TAF3: variants seen among roughly 807,000 people sequenced by gnomAD.
The protein encoded by TAF3 is TATA-box binding protein associated factor 3.
A neutral mutation model predicts 80.6 loss-of-function variants in TAF3; 7 were observed. That is an observed-to-expected ratio of 0.09 (90% confidence interval 0.05 to 0.16). The LOEUF is 0.16. Among genes scored for constraint, TAF3 ranks in the 10% least tolerant of loss-of-function variants. TAF3 has a pLI of 1.00. For missense variants in TAF3, 921 were observed against 1,140.2 expected (o/e 0.81, Z 2.77); for synonymous variants, 444 against 446.1 (o/e 1.00, Z 0.06).
chr10:7,989,211 G>A (rs985939289), intron 4 of TAF3, among the ~76,000 whole-genome samples: 2 of 151,898 alleles, frequency 1.3e-5, no homozygotes, highest in Admixed American at 6.6e-5. Context: ...GTGGAGACAC[G>A]GTGGCTCTGA....
rs116443040 is a variant in TAF3 at position 7,911,602 on chromosome 10, G to A, written c.410-52318G>A. On this transcript the variant is annotated intron_variant, in intron 2 of 6. Coordinates refer to ENST00000344293, the MANE Select transcript of TAF3 (RefSeq NM_031923.4). ...TTTCAGTGGCTGGCAGCAGCAGGAC[G>A]TTTACCAGAGGTTGCAAAGGAGGTG... 1.3e-3 allele frequency among the ~76,000 whole-genome samples: 192 copies of A among 152,336 alleles called. 1 individual carries two copies. Among genetic ancestry groups the A allele is most frequent in the African/African-American group, 4.4e-3 (181 of 41,572 alleles).
chr10:7,839,056 G>A (rs1440973505), intron 2 of TAF3, among the ~76,000 whole-genome samples: 3 of 151,972 alleles, frequency 2.0e-5, no homozygotes, highest in Non-Finnish European at 2.9e-5. Flanking sequence ...TAAACCTACA[G>A]GGCCCTGTGT....
chr10:7,824,267 T>C (rs1270553429), intron 1 of TAF3, 51 bp from the exon 2 acceptor site: 4 of 1,565,088 alleles, frequency 2.6e-6, no homozygotes, highest in Non-Finnish European at 3.5e-6. Flanking sequence ...TTTAAAAATA[T>C]ATTCGTGGGA....
At chr10:7,884,679 C>T (rs547023907) in intron 2 of TAF3, among the ~76,000 whole-genome samples, 6 of 152,232 alleles carry the variant, frequency 3.9e-5, no homozygotes, top group East Asian at 1.9e-4. Context: ...TGCGCCGCTG[C>T]GCCTGGCCTG....
intron 2 of TAF3, among the ~76,000 whole-genome samples, chr10:7,920,299 CGTGTGTGTGTGTGTGTGTGT>C (rs60287426): frequency 9.9e-6 from 1 of 101,280 alleles, no homozygotes; most frequent in Admixed American, 1.3e-4. Context: ...TTTAAACATA[CGTGTGTGTGTGTGTGTGTGT>C]GTGTGTGTGT....
At chr10:8,003,097 C>T (rs1831959123) in intron 4 of TAF3, among the ~76,000 whole-genome samples, 1 of 152,188 alleles carries the variant, frequency 6.6e-6, no homozygotes, top group Non-Finnish European at 1.5e-5. Flanking sequence ...GTTTATACAG[C>T]CTGACAACTG....
chr10:7,833,949 G>A, intron 2 of TAF3: 1 of 354,910 alleles, frequency 2.8e-6, no homozygotes, highest in Non-Finnish European at 4.9e-6. Flanking sequence ...CATTCCCGCT[G>A]GGCACCATGG....
intron 2 of TAF3, among the ~76,000 whole-genome samples, chr10:7,898,306 G>A (rs1207917018): frequency 1.3e-5 from 2 of 152,060 alleles, no homozygotes; most frequent in East Asian, 3.9e-4. Context: ...CAGCACTTTG[G>A]GAGGCCAAGG....
At chr10:7,889,419 A>G (rs999785477) in intron 2 of TAF3, among the ~76,000 whole-genome samples, 1 of 152,254 alleles carries the variant, frequency 6.6e-6, no homozygotes, top group African/African-American at 2.4e-5. Context: ...TAAGGCAAAT[A>G]CTATTCACAT....
intron 5 of TAF3, among the ~76,000 whole-genome samples, chr10:8,010,547 G>C (rs1020994362): frequency 2.0e-5 from 3 of 152,182 alleles, no homozygotes; most frequent in African/African-American, 7.2e-5. Flanking sequence ...ATATGCCAGG[G>C]CTTGCATATT....
intron 2 of TAF3, among the ~76,000 whole-genome samples, chr10:7,900,113 A>T (rs1837544602): frequency 6.6e-6 from 1 of 152,234 alleles, no homozygotes; most frequent in African/African-American, 2.4e-5. Context: ...ACCGAATGGT[A>T]TAAAATCCAC....
chr10:7,928,979 C>T (rs999167166), intron 2 of TAF3, among the ~76,000 whole-genome samples: 3 of 152,120 alleles, frequency 2.0e-5, no homozygotes, highest in Admixed American at 6.6e-5. Flanking sequence ...ACTGTTAGAA[C>T]TGGAGTCTTG....
At chr10:7,950,164 TCAAA>T (rs1331033877) in intron 2 of TAF3, among the ~76,000 whole-genome samples, 2 of 152,142 alleles carry the variant, frequency 1.3e-5, no homozygotes, top group Non-Finnish European at 2.9e-5. Context: ...GCATGAACAG[TCAAA>T]CAGTTATAAA....
intron 2 of TAF3, among the ~76,000 whole-genome samples, chr10:7,897,030 C>T (rs1192670131): frequency 6.6e-6 from 1 of 152,182 alleles, no homozygotes; most frequent in Admixed American, 6.5e-5. Flanking sequence ...ACCACATGGT[C>T]CCTCCATCCT....
chr10:7,846,432 T>C (rs11255401), intron 2 of TAF3, among the ~76,000 whole-genome samples: 13,639 of 152,258 alleles, frequency 0.09, 717 homozygotes, highest in Admixed American at 0.14. Flanking sequence ...GTTCTTCTGG[T>C]ACCAACATTT....
At chr10:7,989,336 G>A (rs905389048) in intron 4 of TAF3, among the ~76,000 whole-genome samples, 5 of 152,228 alleles carry the variant, frequency 3.3e-5, no homozygotes, top group African/African-American at 1.2e-4. Context: ...AGGCAAATGG[G>A]TGCTGTGTAG....
At chr10:7,877,144 T>G (rs573429775) in intron 2 of TAF3, among the ~76,000 whole-genome samples, 1 of 152,284 alleles carries the variant, frequency 6.6e-6, no homozygotes, top group South Asian at 2.1e-4. Context: ...GTTACTTCCT[T>G]TTGGTAAACA....
At chr10:7,846,113 C>T (rs1019956011) in intron 2 of TAF3, among the ~76,000 whole-genome samples, 2 of 151,966 alleles carry the variant, frequency 1.3e-5, no homozygotes, top group African/African-American at 4.8e-5. Context: ...CGCCCGCCAC[C>T]ACGCCTAGCT....
At chr10:7,960,694 G>A (rs17444909) in intron 2 of TAF3, among the ~76,000 whole-genome samples, 4,620 of 152,180 alleles carry the variant, frequency 0.03, 98 homozygotes, top group Non-Finnish European at 0.045. Flanking sequence ...TAGCTTAGAG[G>A]GAGCACCTTG....
Sources: gnomAD v4.1 joint callset for allele counts (sites outside exome capture counted in the v4.1 genomes callset) on GRCh38, gnomAD v4.1.1 for gene constraint, MANE v1.5 for transcripts, NCBI Gene and HGNC (gene_info 2026-07-23, HGNC 2026-07-21) for gene names.